ACOT7: variants seen among roughly 807,000 people sequenced by gnomAD.
The protein encoded by ACOT7 is acyl-CoA thioesterase 7.
Under a neutral mutation model 40.2 loss-of-function variants are expected in ACOT7, and 12 were observed. The ratio of observed to expected loss-of-function variants is 0.30; its 90% CI spans 0.19 to 0.48. The LOEUF (loss-of-function observed/expected upper bound fraction) is 0.48. ACOT7 is among the 20% of genes least tolerant of loss of function. ACOT7 has a pLI of 0.99. For synonymous variants in ACOT7, 228 were observed against 219.5 expected, an observed-to-expected ratio of 1.04 and a Z score of -0.34; for missense variants, 395 against 530.8, an observed-to-expected ratio of 0.74 and a Z score of 2.51.
intron 4 of ACOT7, among the ~76,000 whole-genome samples, chr1:6,331,401 G>A (rs1473848943): frequency 6.6e-6 from 1 of 152,242 alleles, no homozygotes; most frequent in African/African-American, 2.4e-5. Context: ...CCTCAGCCAA[G>A]GGACGCCTGG....
chr1:6,347,118 G>A (rs535933899), intron 2 of ACOT7, among the ~76,000 whole-genome samples: 15 of 150,218 alleles, frequency 1.0e-4, no homozygotes, highest in East Asian at 2.0e-4. Flanking sequence ...GTGTGGATGC[G>A]GGGGTCCCCT....
intron 6 of ACOT7, among the ~76,000 whole-genome samples, chr1:6,308,402 A>G (rs1204868861): frequency 6.6e-6 from 1 of 151,332 alleles, no homozygotes; most frequent in African/African-American, 2.4e-5. Context: ...ACAACCGGGC[A>G]GAGGGAACCA....
intron 6 of ACOT7, among the ~76,000 whole-genome samples, chr1:6,315,811 A>ACAG (rs1553158142): frequency 6.7e-6 from 1 of 149,218 alleles, no homozygotes; most frequent in African/African-American, 2.5e-5. Context: ...AAATTATTAG[A>ACAG]TTTTTTTACA....
intron 8 of ACOT7, among the ~76,000 whole-genome samples, chr1:6,271,666 G>C (rs1639039486): frequency 6.6e-6 from 1 of 152,166 alleles, no homozygotes; most frequent in African/African-American, 2.4e-5. Context: ...TGCAGGCCTG[G>C]GTTAATTACC....
chr1:6,382,177 G>A (rs912152337), intron 1 of ACOT7, among the ~76,000 whole-genome samples: 1 of 151,326 alleles, frequency 6.6e-6, no homozygotes, highest in Non-Finnish European at 1.5e-5. Context: ...ACTTTGGGAG[G>A]CCGAGGCAGG....
intron 7 of ACOT7, among the ~76,000 whole-genome samples, chr1:6,291,786 G>A (rs1227409674): frequency 6.6e-6 from 1 of 152,176 alleles, no homozygotes; most frequent in Non-Finnish European, 1.5e-5. Context: ...AGAAAGTCAC[G>A]CTGGAACTGT....
rs573853511 is a variant in ACOT7, at chr1:6,314,975, G to A, written c.712+3517C>T. 4.6e-5 allele frequency among the ~76,000 whole-genome samples: 7 copies of A among 152,088 alleles called. No individual in the cohort carries two copies. The South Asian group carries it at 6.3e-4, about 14-fold the overall frequency. ...CGGGACAATGACCCTCCACACCCTC[G>A]GGCTCACTCCCCAGATCTCTACTAT... On this transcript the variant is annotated intron_variant, in intron 6 of 8. Transcript: ENST00000361521.
At chr1:6,391,574 C>T (rs140244396) in intron 1 of ACOT7, among the ~76,000 whole-genome samples, 3 of 152,296 alleles carry the variant, frequency 2.0e-5, no homozygotes, top group African/African-American at 7.2e-5. Flanking sequence ...ATTGGCTATT[C>T]ACCACCCTGA....
At chr1:6,383,765 C>T (rs971177861) in intron 1 of ACOT7, among the ~76,000 whole-genome samples, 24 of 151,458 alleles carry the variant, frequency 1.6e-4, no homozygotes, top group African/African-American at 5.8e-4. Context: ...AGTGCAGTGG[C>T]ACGATCTTGG....
chr1:6,369,494 C>A (rs753955153), intron 1 of ACOT7, among the ~76,000 whole-genome samples: 5 of 151,156 alleles, frequency 3.3e-5, no homozygotes, highest in Non-Finnish European at 7.4e-5. Flanking sequence ...GCAACCTCCA[C>A]CTCCTGGGTT....
intron 6 of ACOT7, among the ~76,000 whole-genome samples, chr1:6,308,473 ACAGGCAGAGGGAACCACAAC>A (rs1182542403): frequency 4.0e-4 from 61 of 150,880 alleles, no homozygotes; most frequent in African/African-American, 1.0e-3. Flanking sequence ...GAGAACTGCA[ACAGGCAGAGGGAACCACAAC>A]CAGGCAGAGG....
At chr1:6,374,589 G>A (rs948244057) in intron 1 of ACOT7, among the ~76,000 whole-genome samples, 1 of 152,230 alleles carries the variant, frequency 6.6e-6, no homozygotes, top group African/African-American at 2.4e-5. Context: ...CATGGTGGAT[G>A]AGGGGCAGGT....
chr1:6,343,284 A>C (rs1641326173), intron 2 of ACOT7, among the ~76,000 whole-genome samples: 1 of 152,190 alleles, frequency 6.6e-6, no homozygotes. Flanking sequence ...ACCCACCTAC[A>C]TGAGGACTCA....
chr1:6,314,515 A>C (rs1324647715), intron 6 of ACOT7, among the ~76,000 whole-genome samples: 1 of 151,482 alleles, frequency 6.6e-6, no homozygotes, highest in Non-Finnish European at 1.5e-5. Context: ...GCTGACCCCC[A>C]AGAACTTCCC....
intron 6 of ACOT7, among the ~76,000 whole-genome samples, chr1:6,303,230 A>G (rs1341938698): frequency 6.6e-6 from 1 of 152,150 alleles, no homozygotes; most frequent in Admixed American, 6.5e-5. Context: ...AGTCCACCGC[A>G]GGCAGTCCTC....
intron 4 of ACOT7, among the ~76,000 whole-genome samples, chr1:6,328,192 T>C (rs1640858277): frequency 6.6e-6 from 1 of 152,014 alleles, no homozygotes; most frequent in African/African-American, 2.4e-5. Flanking sequence ...CCCCACCCAC[T>C]CTCCAAAGTC....
At chr1:6,273,564 T>A (rs747164490) in intron 8 of ACOT7, among the ~76,000 whole-genome samples, 1 of 152,190 alleles carries the variant, frequency 6.6e-6, no homozygotes, top group Non-Finnish European at 1.5e-5. Flanking sequence ...GGGCAGGGCT[T>A]CCCTCACTAA....
chr1:6,353,628 C>T (rs940078230), intron 1 of ACOT7, among the ~76,000 whole-genome samples: 3 of 152,076 alleles, frequency 2.0e-5, no homozygotes, highest in Non-Finnish European at 2.9e-5. Context: ...AGTGAGACTT[C>T]GTCTCAAAAG....
chr1:6,287,966 C>T (rs1236991662), intron 7 of ACOT7, among the ~76,000 whole-genome samples: 4 of 152,110 alleles, frequency 2.6e-5, no homozygotes, highest in East Asian at 1.9e-4. Context: ...CCCAAGAAAA[C>T]GTCAACTTTA....
Sources: gnomAD v4.1 joint callset for allele counts (sites outside exome capture counted in the v4.1 genomes callset) on GRCh38, gnomAD v4.1.1 for gene constraint, MANE v1.5 for transcripts, NCBI Gene and HGNC (gene_info 2026-07-23, HGNC 2026-07-21) for gene names.